The following FRMD6 variants were observed in gnomAD, a reference collection of about 807,000 sequenced individuals.
The protein encoded by FRMD6 is FERM domain containing 6, also known as FERM domain-containing protein 6.
FRMD6 carries 37 observed loss-of-function variants against 73.2 expected under a neutral mutation model. The ratio of observed to expected loss-of-function variants is 0.51; its 90% CI spans 0.39 to 0.66. The LOEUF (loss-of-function observed/expected upper bound fraction) is 0.66. Ranked by LOEUF, FRMD6 falls within the 30% of genes least tolerant of loss-of-function variation. The pLI is 0.00. For missense variants in FRMD6, 714 were observed against 780.5 expected, an observed-to-expected ratio of 0.91 and a Z score of 1.02; for synonymous variants, 273 against 282.2, an observed-to-expected ratio of 0.97 and a Z score of 0.33.
upstream of FRMD6, among the ~76,000 whole-genome samples, chr14:51,649,177 TTGA>T (rs1379577265): frequency 1.6e-4 from 24 of 152,210 alleles, no homozygotes; most frequent in African/African-American, 4.3e-4. Context: ...CTTTCAGAAT[TTGA>T]TGATGTTACA....
intron 1 of FRMD6, among the ~76,000 whole-genome samples, chr14:51,489,790 C>T (rs983256147): frequency 2.6e-5 from 4 of 152,206 alleles, no homozygotes; most frequent in Non-Finnish European, 4.4e-5. Context: ...GGTAAGAACA[C>T]TCTCAAAAAC....
At chr14:51,529,258 G>A (rs1047249480) in intron 1 of FRMD6, among the ~76,000 whole-genome samples, 1 of 152,090 alleles carries the variant, frequency 6.6e-6, no homozygotes, top group Non-Finnish European at 1.5e-5. Context: ...TTTGGCCTTG[G>A]GCCAGTTTCT....
chr14:51,556,110 C>T (rs1018622516), intron 1 of FRMD6, among the ~76,000 whole-genome samples: 5 of 152,280 alleles, frequency 3.3e-5, no homozygotes, highest in South Asian at 2.1e-4. Flanking sequence ...TGCATCAACA[C>T]ATTTTGGTGA....
At chr14:51,544,678 T>G (rs961346267) in intron 1 of FRMD6, among the ~76,000 whole-genome samples, 2 of 138,760 alleles carry the variant, frequency 1.4e-5, no homozygotes, top group African/African-American at 3.2e-5. Flanking sequence ...CTGTTTACAG[T>G]TTTTTTTTTA....
chr14:51,520,545 T>A (rs916351987), intron 1 of FRMD6, among the ~76,000 whole-genome samples: 6 of 152,182 alleles, frequency 3.9e-5, no homozygotes, highest in Non-Finnish European at 7.3e-5. Flanking sequence ...GAAATGTCCA[T>A]CAGGAGGTGA....
At chr14:51,549,761 A>G (rs2139427246) in intron 1 of FRMD6, among the ~76,000 whole-genome samples, 1 of 151,802 alleles carries the variant, frequency 6.6e-6, no homozygotes, top group South Asian at 2.1e-4. Context: ...TCGCCCGGCT[A>G]GTTTTTTGTA....
intron 1 of FRMD6, among the ~76,000 whole-genome samples, chr14:51,666,738 TAAAC>T (rs1251399169): frequency 7.9e-5 from 12 of 152,238 alleles, no homozygotes; most frequent in Non-Finnish European, 1.6e-4. Context: ...GCGTTAGTGA[TAAAC>T]AAAATTATGA....
At chr14:51,595,737 A>G (rs1417848489) in intron 2 of FRMD6, among the ~76,000 whole-genome samples, 3 of 152,246 alleles carry the variant, frequency 2.0e-5, no homozygotes, top group African/African-American at 7.2e-5. Context: ...GCTTTTCCAT[A>G]TGGCTATAGA....
the FRMD6 span, among the ~76,000 whole-genome samples, chr14:51,456,352 C>A: frequency 6.6e-6 from 1 of 152,060 alleles, no homozygotes; most frequent in African/African-American, 2.4e-5. Context: ...CTCCCTGTGT[C>A]CATGTGTTCT....
chr14:51,665,718 C>G (rs920116770), intron 1 of FRMD6, among the ~76,000 whole-genome samples: 8 of 152,300 alleles, frequency 5.3e-5, no homozygotes, highest in Non-Finnish European at 1.2e-4. Context: ...AATTTAACTC[C>G]AAGAATTCCC....
upstream of FRMD6, chr14:51,651,144 G>T (rs1490441599): frequency 6.5e-6 from 1 of 152,680 alleles, no homozygotes. Flanking sequence ...CCACTATCGG[G>T]AGGGGACAAA....
intron 1 of FRMD6, among the ~76,000 whole-genome samples, chr14:51,525,108 T>TAGATAGAC (rs1885166515): frequency 1.1e-4 from 17 of 150,032 alleles, no homozygotes; most frequent in Admixed American, 4.6e-4. Context: ...GATAGATAGA[T>TAGATAGAC]AGATAGATAG....
intron 2 of FRMD6, among the ~76,000 whole-genome samples, chr14:51,621,394 T>G (rs2139924711): frequency 6.6e-6 from 1 of 152,340 alleles, no homozygotes. Flanking sequence ...TGACACAGTG[T>G]GACCACCAAG....
At chr14:51,450,083 C>T in the FRMD6 span, among the ~76,000 whole-genome samples, 585 of 152,318 alleles carry the variant, frequency 3.8e-3, 2 homozygotes, top group East Asian at 8.7e-3. Context: ...TGAAAACAAT[C>T]ATACCTGTGG....
chr14:51,722,049 G>C lies in FRMD6; in HGVS notation c.1461G>C (p.Met487Ile), dbSNP rs755567267. Reference protein sequence around the residue: ...PDMCIYITEDMLMSRKLNGHS... With the variant: ...PDMCIYITEDILMSRKLNGHS... ...TGTGCATCTACATCACAGAGGACATGCTCATGTCGCGGAAGCTGAATGGAC... is the reference window on the plus strand; with the variant it reads ...TGTGCATCTACATCACAGAGGACATCCTCATGTCGCGGAAGCTGAATGGAC... The change falls in exon 12 of 14, where the codon ATG becomes ATC. Residue 487 changes from methionine to isoleucine, a missense_variant. By Grantham distance (10) the Met-to-Ile change is conservative. Transcript: ENST00000344768. The C allele has an allele frequency of 1.9e-6, 3 of 1,614,178 alleles. No individual in the cohort carries two copies. In the South Asian group the frequency reaches 3.3e-5, roughly 18 times the overall value.
At chr14:51,525,140 GTGGATGGATGGATGGATGGATGGA>G (rs71121650) in intron 1 of FRMD6, among the ~76,000 whole-genome samples, 12 of 148,538 alleles carry the variant, frequency 8.1e-5, no homozygotes, top group East Asian at 4.0e-4. Context: ...TGATAGGTGG[GTGGATGGATGGATGGATGGATGGA>G]TGGATGGATG....
intron 1 of FRMD6, among the ~76,000 whole-genome samples, chr14:51,543,350 C>T (rs981477301): frequency 6.6e-6 from 1 of 151,774 alleles, no homozygotes; most frequent in Non-Finnish European, 1.5e-5. Flanking sequence ...ATAAGTATTT[C>T]CCTTTAATTT....
At chr14:51,398,232 G>T in the FRMD6 span, among the ~76,000 whole-genome samples, 12 of 152,160 alleles carry the variant, frequency 7.9e-5, no homozygotes, top group African/African-American at 2.2e-4. Context: ...CTGACATAGA[G>T]ATATTGGTAC....
chr14:51,422,310 A>G, the FRMD6 span, among the ~76,000 whole-genome samples: 1 of 152,176 alleles, frequency 6.6e-6, no homozygotes, highest in African/African-American at 2.4e-5. Context: ...TTGAGCACTT[A>G]TTATGTAATG....
Sources: allele counts gnomAD v4.1 joint callset (sites outside exome capture counted in the v4.1 genomes callset), GRCh38; gene constraint gnomAD v4.1.1; transcripts MANE v1.5; gene names NCBI Gene and HGNC (gene_info 2026-07-23, HGNC 2026-07-21).